MAGI1: variants seen among roughly 807,000 people sequenced by gnomAD.
MAGI1 encodes membrane-associated guanylate kinase, WW and PDZ domain-containing protein 1.
A neutral mutation model predicts 139.9 loss-of-function variants in MAGI1; 58 were observed. That is an observed-to-expected ratio of 0.41 (90% CI 0.34 to 0.52). The LOEUF is 0.52. Ranked by LOEUF, MAGI1 falls within the 20% of genes least tolerant of loss-of-function variation. The pLI is 0.12. For synonymous variants in MAGI1, 812 were observed against 737.9 expected, an observed-to-expected ratio of 1.10 and a Z score of -1.63; for missense variants, 1,874 against 1,901.6, an observed-to-expected ratio of 0.99 and a Z score of 0.27.
At chr3:65,759,384 A>C (rs1473955155) in intron 1 of MAGI1, among the ~76,000 whole-genome samples, 1 of 152,244 alleles carries the variant, frequency 6.6e-6, no homozygotes, top group Non-Finnish European at 1.5e-5. Flanking sequence ...TGTTCCTTAC[A>C]TCTGTGCTTA....
Position 65,429,933 on chromosome 3 carries a change from C to G in MAGI1, c.1754G>C (p.Gly585Ala), listed in dbSNP as rs1947341280. The G allele has an allele frequency of 1.2e-6, 2 of 1,613,988 alleles. No homozygotes were observed. The highest frequency in any genetic ancestry group is 1.3e-5 in the African/African-American group (1 of 75,028). ...ILDKEPIIVNGQETYDSPASH... is the reference protein window; with the variant it reads ...ILDKEPIIVNAQETYDSPASH... The stretch of plus-strand genomic sequence containing the variant: ...AGCTGGTGAATCATAGGTCTCTTGC[C>G]CATTCACAATAATTGGTTCTTTATC... Residue 585 changes from glycine (G) to alanine (A), a missense_variant, in exon 12 of 23, where the codon GGG (glycine) becomes GCG (alanine). Coordinates refer to ENST00000402939, the MANE Select transcript of MAGI1 (RefSeq NM_001033057.2).
At chr3:65,588,656 A>G (rs959655869) in intron 2 of MAGI1, among the ~76,000 whole-genome samples, 10 of 152,322 alleles carry the variant, frequency 6.6e-5, no homozygotes, top group African/African-American at 2.4e-4. Context: ...ATTATGTTCT[A>G]TAGTTCTAGG....
In MAGI1 at chr3:65,507,870, G is replaced by A. The variant is rs187908966; in HGVS notation, c.431-14239C>T. ...TATTTTTTTTCAGTCTCATTGTTAAGCCAAATTAGGTAGCTTTTAGAGGTG... is the reference window on the plus strand; with the variant it reads ...TATTTTTTTTCAGTCTCATTGTTAAACCAAATTAGGTAGCTTTTAGAGGTG... On this transcript the variant is annotated intron_variant, in intron 2 of 22. Coordinates refer to ENST00000402939, the MANE Select transcript of MAGI1 (RefSeq NM_001033057.2). Among the ~76,000 whole-genome samples the A allele has an allele frequency of 1.9e-4, 28 of 150,772 alleles. 1 individual carries two copies. In the East Asian group the frequency reaches 5.0e-3, roughly 27 times the overall value.
In MAGI1 at chr3:65,962,069, T is replaced by C. The variant is rs2064457102; in HGVS notation, c.313+75927A>G. On this transcript the variant is annotated intron_variant, in intron 1 of 22. Coordinates refer to ENST00000402939, the MANE Select transcript of MAGI1 (RefSeq NM_001033057.2). ...ATCCGTCATATCAGTAGTTTCAAGA[T>C]AAGAAGAAAGCATATTTGGACTGTT... 2.6e-5 allele frequency among the ~76,000 whole-genome samples: 4 copies of C among 151,840 alleles called. No individual in the cohort carries two copies. In the South Asian group the frequency reaches 8.3e-4, roughly 32 times the overall value.
intron 3 of MAGI1, among the ~76,000 whole-genome samples, chr3:65,483,888 A>C (rs1208690833): frequency 6.6e-6 from 1 of 152,248 alleles, no homozygotes; most frequent in Admixed American, 6.5e-5. Context: ...TAGGCACTGC[A>C]AATCAATTTT....
At chr3:65,989,451 G>T (rs2066048928) in intron 1 of MAGI1, among the ~76,000 whole-genome samples, 1 of 152,174 alleles carries the variant, frequency 6.6e-6, no homozygotes, top group Non-Finnish European at 1.5e-5. Context: ...GAGAACCACT[G>T]CTATAGGTCA....
At chr3:65,908,566 G>A (rs1365260128) in intron 1 of MAGI1, among the ~76,000 whole-genome samples, 1 of 152,210 alleles carries the variant, frequency 6.6e-6, no homozygotes, top group East Asian at 1.9e-4. Context: ...TTAGAGGCGT[G>A]AGCCACTGCA....
intron 1 of MAGI1, among the ~76,000 whole-genome samples, chr3:65,896,596 G>C (rs750549575): frequency 4.6e-5 from 7 of 152,116 alleles, no homozygotes; most frequent in Non-Finnish European, 8.8e-5. Context: ...GATCGCTGGA[G>C]CCCATAAGTT....
chr3:65,705,253 C>G (rs1240307825), intron 1 of MAGI1, among the ~76,000 whole-genome samples: 2 of 152,076 alleles, frequency 1.3e-5, no homozygotes, highest in African/African-American at 2.4e-5. Flanking sequence ...GTTAGCTTAA[C>G]TGAGTATTTT....
intron 13 of MAGI1, among the ~76,000 whole-genome samples, chr3:65,393,299 A>G (rs1944085744): frequency 6.6e-6 from 1 of 152,174 alleles, no homozygotes; most frequent in Non-Finnish European, 1.5e-5. Flanking sequence ...GGTCTTGATT[A>G]TAAACAACCA....
chr3:65,546,166 A>G (rs2079498963), intron 2 of MAGI1, among the ~76,000 whole-genome samples: 1 of 152,164 alleles, frequency 6.6e-6, no homozygotes, highest in South Asian at 2.1e-4. Flanking sequence ...ACCCTGTTAA[A>G]TACTTTGCTT....
intron 1 of MAGI1, chr3:65,874,927 G>C (rs1025784234): frequency 8.5e-5 from 13 of 152,540 alleles, no homozygotes; most frequent in African/African-American, 3.1e-4. Context: ...GCCATTAAAA[G>C]GAATGAAAAG....
chr3:65,453,771 A>G (rs1949195362), intron 5 of MAGI1, among the ~76,000 whole-genome samples: 1 of 152,166 alleles, frequency 6.6e-6, no homozygotes, highest in African/African-American at 2.4e-5. Flanking sequence ...CATTCATTAT[A>G]TTACATAAGA....
At chr3:65,875,293 G>A (rs1288965270) in intron 1 of MAGI1, among the ~76,000 whole-genome samples, 1 of 152,140 alleles carries the variant, frequency 6.6e-6, no homozygotes, top group Non-Finnish European at 1.5e-5. Context: ...TGATGAAAAT[G>A]TTAAGTTAGA....
chr3:65,990,866 C>T (rs1046631109), intron 1 of MAGI1, among the ~76,000 whole-genome samples: 1 of 152,096 alleles, frequency 6.6e-6, no homozygotes, highest in Admixed American at 6.5e-5. Context: ...GCATGCCTGT[C>T]GTCCTAGATA....
intron 7 of MAGI1, 38 bp downstream of exon 7, chr3:65,447,984 C>T: frequency 6.2e-7 from 1 of 1,612,334 alleles, no homozygotes; most frequent in Non-Finnish European, 8.5e-7. Context: ...CCATGTCATG[C>T]ACGTGTCATG....
chr3:65,393,732 C>T (rs1325608445), intron 13 of MAGI1, among the ~76,000 whole-genome samples: 1 of 152,036 alleles, frequency 6.6e-6, no homozygotes, highest in East Asian at 1.9e-4. Flanking sequence ...GGCCTATAAG[C>T]ACTAAATTCT....
At chr3:65,631,596 G>C (rs979270157) in intron 1 of MAGI1, among the ~76,000 whole-genome samples, 4 of 152,094 alleles carry the variant, frequency 2.6e-5, no homozygotes, top group Non-Finnish European at 4.4e-5. Flanking sequence ...CACAAAAAAT[G>C]TTTAAGGCCC....
intron 1 of MAGI1, among the ~76,000 whole-genome samples, chr3:65,865,257 G>A (rs915542696): frequency 9.9e-5 from 15 of 152,022 alleles, no homozygotes; most frequent in African/African-American, 3.1e-4. Context: ...TAGGATGTGA[G>A]CCAATATAAA....
Sources: gnomAD v4.1 joint callset for allele counts (sites outside exome capture counted in the v4.1 genomes callset) on GRCh38, gnomAD v4.1.1 for gene constraint, MANE v1.5 for transcripts, NCBI Gene and HGNC (gene_info 2026-07-23, HGNC 2026-07-21) for gene names.